DNAH11: variants seen among roughly 807,000 people sequenced by gnomAD.
DNAH11 encodes dynein axonemal heavy chain 11.
DNAH11 carries 442 observed loss-of-function variants against 526.0 expected under a neutral mutation model. The observed-to-expected ratio is 0.84, with a 90% confidence interval of 0.78 to 0.91. DNAH11 has a LOEUF of 0.91. Among genes scored for constraint, DNAH11 ranks in the 40% least tolerant of loss-of-function variants. The pLI, the probability that DNAH11 is intolerant of heterozygous loss-of-function variation, is 0.00. For synonymous variants in DNAH11, 2,461 were observed against 1,935.9 expected (o/e 1.27, Z -7.12); for missense variants, 6,989 against 5,448.7 (o/e 1.28, Z -8.90).
intron 46 of DNAH11, among the ~76,000 whole-genome samples, chr7:21,736,091 T>C (rs192563521): frequency 2.0e-5 from 3 of 152,344 alleles, no homozygotes; most frequent in East Asian, 1.9e-4. Context: ...TATACATCAA[T>C]AGTGTTAATG....
In DNAH11 at chr7:21,739,098, T is replaced by A. The variant is rs16872905; in HGVS notation, c.7811+232T>A. 0.041 allele frequency among the ~76,000 whole-genome samples: 6,210 copies of A among 152,240 alleles called. 297 individuals are homozygous for A. Among genetic ancestry groups the A allele is most frequent in the East Asian group, 0.27 (1,395 of 5,176 alleles). On this transcript the variant is annotated intron_variant, in intron 47 of 81. Transcript: ENST00000409508. ...CCTTTGTATCTTTGGAAGATTGGAT[T>A]GAAAAGTGTCTCAGAAATGTTAAGA...
chr7:21,887,117 T>C (rs1003893469), intron 76 of DNAH11, among the ~76,000 whole-genome samples: 2 of 152,238 alleles, frequency 1.3e-5, no homozygotes, highest in Non-Finnish European at 2.9e-5. Context: ...GTGTCTTTGG[T>C]TGCATTGGAA....
intron 79 of DNAH11, among the ~76,000 whole-genome samples, chr7:21,895,345 C>T (rs1784472337): frequency 6.6e-6 from 1 of 152,194 alleles, no homozygotes; most frequent in Admixed American, 6.5e-5. Flanking sequence ...TGGAAAGCAA[C>T]TTGAATTTGC....
Position 21,744,599 on chromosome 7 carries a change from A to G in DNAH11, c.8316A>G (p.Glu2772=), listed in dbSNP as rs756416882. The change falls in exon 50 of 82, where the codon GAA becomes GAG. Residue 2772 remains glutamate, a splice_region_variant and synonymous_variant. Transcript: ENST00000409508. ...TGGAAACTGCTTATAAATATTTTGA[A>G]GTAAGCGTATGAATGTCAGAGGTCA... ...RMLETAYKYF[E]GIDSHMLLQQ... 1.2e-6 allele frequency: 2 copies of G among 1,612,764 alleles called. No homozygotes were observed. The highest frequency in any genetic ancestry group is 2.2e-5 in the East Asian group (1 of 44,878).
At chr7:21,726,860 CAAAAAAAAAAAA>C (rs1166791175) in intron 45 of DNAH11, among the ~76,000 whole-genome samples, 7 of 13,808 alleles carry the variant, frequency 5.1e-4, no homozygotes, top group East Asian at 6.7e-3. Context: ...GACTCTGTCT[CAAAAAAAAAAAA>C]AAAAAAAAAA....
At chr7:21,797,257 T>C (rs893316981) in intron 61 of DNAH11, among the ~76,000 whole-genome samples, 45 of 152,158 alleles carry the variant, frequency 3.0e-4, no homozygotes, top group African/African-American at 1.0e-3. Context: ...TTTGTTCTTA[T>C]TGCCTAGGCT....
chr7:21,729,200 A>G (rs1454400759), intron 45 of DNAH11, among the ~76,000 whole-genome samples: 1 of 152,176 alleles, frequency 6.6e-6, no homozygotes, highest in African/African-American at 2.4e-5. Flanking sequence ...CCAGGTTGCT[A>G]AATTGTCTTG....
intron 70 of DNAH11, 96 bp downstream of exon 70, chr7:21,864,753 G>A (rs1329376482): frequency 1.2e-5 from 15 of 1,233,774 alleles, no homozygotes; most frequent in Non-Finnish European, 1.6e-5. Context: ...TACAGGTGAT[G>A]TATTAAGCAC....
chr7:21,744,637 A>C, intron 50 of DNAH11, 38 bp downstream of exon 50: 1 of 1,605,358 alleles, frequency 6.2e-7, no homozygotes, highest in Non-Finnish European at 8.5e-7. Flanking sequence ...ACTTACTCCA[A>C]CACCAACTGG....
At chr7:21,825,950 C>T (rs1485389057) in intron 65 of DNAH11, among the ~76,000 whole-genome samples, 1 of 146,660 alleles carries the variant, frequency 6.8e-6, no homozygotes, top group East Asian at 2.0e-4. Context: ...AGGAGTGAGA[C>T]TCTGTCTCCA....
chr7:21,751,368 C>G (rs555447644), intron 54 of DNAH11, among the ~76,000 whole-genome samples: 1 of 152,222 alleles, frequency 6.6e-6, no homozygotes, highest in African/African-American at 2.4e-5. Context: ...AGGATTACCC[C>G]AGTGTTCTTC....
intron 20 of DNAH11, among the ~76,000 whole-genome samples, chr7:21,613,264 G>C (rs909283059): frequency 2.0e-5 from 3 of 152,044 alleles, no homozygotes; most frequent in Admixed American, 6.5e-5. Flanking sequence ...TTAACATTTA[G>C]CGCTTAGCAA....
intron 8 of DNAH11, among the ~76,000 whole-genome samples, chr7:21,577,894 A>G (rs1784160876): frequency 6.6e-6 from 1 of 152,208 alleles, no homozygotes; most frequent in African/African-American, 2.4e-5. Flanking sequence ...TTACTTGAAA[A>G]AGATTTTAAA....
intron 30 of DNAH11, among the ~76,000 whole-genome samples, chr7:21,674,325 G>A (rs1488798236): frequency 2.6e-5 from 4 of 151,842 alleles, no homozygotes; most frequent in Non-Finnish European, 5.9e-5. Context: ...CAAAGTTCTG[G>A]GATTACAGAT....
At chr7:21,640,518 T>TTTTTTTTTTTTTTTTTTGAGACGG (rs1787079612) in intron 28 of DNAH11, among the ~76,000 whole-genome samples, 7 of 151,674 alleles carry the variant, frequency 4.6e-5, no homozygotes, top group African/African-American at 1.7e-4. Flanking sequence ...CTTTTTCTTT[T>TTTTTTTTTTTTTTTTTTGAGACGG]AATCATATTA....
chr7:21,646,515 G>C (rs1787362049), intron 28 of DNAH11, among the ~76,000 whole-genome samples: 1 of 152,146 alleles, frequency 6.6e-6, no homozygotes, highest in Non-Finnish European at 1.5e-5. Context: ...GCAGAACTGA[G>C]TACCACAGAG....
intron 30 of DNAH11, among the ~76,000 whole-genome samples, chr7:21,677,930 C>T (rs1367679396): frequency 1.3e-5 from 2 of 152,054 alleles, no homozygotes; most frequent in Non-Finnish European, 2.9e-5. Context: ...CTATTTGTTG[C>T]CGTTGAGTTG....
At position 21,702,718 on chromosome 7, in the gene DNAH11, C is replaced by T. The variant is rs746659863; in HGVS notation, c.6189C>T (p.Tyr2063=). The part of the protein sequence containing the change: ...CKELLSKQDH[Y]DWGLRAIKSV... Reference sequence around the variant, plus strand: ...ACCTGTTTTGATTTTAGGATCATTACGACTGGGGACTTCGTGCTATTAAGT... The same window carrying T: ...ACCTGTTTTGATTTTAGGATCATTATGACTGGGGACTTCGTGCTATTAAGT... Residue 2063 remains tyrosine (Y), a synonymous_variant, in exon 37 of 82, where the codon TAC becomes TAT. Coordinates refer to ENST00000409508, the MANE Select transcript of DNAH11 (RefSeq NM_001277115.2). 14 of 1,613,178 alleles carry T rather than the reference C, an allele frequency of 8.7e-6. No homozygotes were observed. The highest frequency in any genetic ancestry group is 1.6e-4 in the Middle Eastern group (1 of 6,082).
chr7:21,661,687 A>G (rs903941758), intron 30 of DNAH11, among the ~76,000 whole-genome samples: 2 of 152,134 alleles, frequency 1.3e-5, no homozygotes, highest in Non-Finnish European at 2.9e-5. Flanking sequence ...AGCTTCTACT[A>G]TTCATTAGCT....
Sources: allele counts gnomAD v4.1 joint callset (sites outside exome capture counted in the v4.1 genomes callset), GRCh38; gene constraint gnomAD v4.1.1; transcripts MANE v1.5; gene names NCBI Gene and HGNC (gene_info 2026-07-23, HGNC 2026-07-21).